Variants in CSMD2 observed in about 807,000 individuals in gnomAD.
The protein encoded by CSMD2 is CUB and sushi domain-containing protein 2.
CSMD2 carries 130 observed loss-of-function variants against 398.5 expected under a neutral mutation model. The observed-to-expected ratio is 0.33, with a 90% CI of 0.28 to 0.38. The LOEUF is 0.38. Ranked by LOEUF, CSMD2 falls within the 10% of genes least tolerant of loss-of-function variation. The pLI is 1.00. For synonymous variants in CSMD2, 1,828 were observed against 1,908.5 expected (o/e 0.96, Z 1.10); for missense variants, 3,829 against 4,764.9 (o/e 0.80, Z 5.78).
intron 15 of CSMD2, among the ~76,000 whole-genome samples, chr1:33,729,997 T>C (rs571840036): frequency 6.6e-6 from 1 of 152,186 alleles, no homozygotes; most frequent in Admixed American, 6.6e-5. Flanking sequence ...ATGACATATA[T>C]GTACAAGGTT....
intron 44 of CSMD2, 41 bp downstream of exon 44, chr1:33,600,824 A>T (rs1305072879): frequency 6.2e-7 from 1 of 1,605,648 alleles, no homozygotes; most frequent in Non-Finnish European, 8.5e-7. Context: ...CCTTGACTTG[A>T]AAGCCTGGCC....
chr1:33,773,654 G>T (rs1232277923), intron 12 of CSMD2, among the ~76,000 whole-genome samples: 1 of 152,214 alleles, frequency 6.6e-6, no homozygotes, highest in Admixed American at 6.5e-5. Context: ...AGGAGGAGGG[G>T]GTGGTGGAGG....
intron 3 of CSMD2, among the ~76,000 whole-genome samples, chr1:33,981,051 A>G (rs908103483): frequency 2.0e-5 from 3 of 152,054 alleles, no homozygotes; most frequent in African/African-American, 7.2e-5. Flanking sequence ...CGTGAGAGAT[A>G]CCCCTGGGGT....
chr1:34,127,903 T>C (rs1012489673), intron 1 of CSMD2, among the ~76,000 whole-genome samples: 1 of 150,990 alleles, frequency 6.6e-6, no homozygotes, highest in African/African-American at 2.4e-5. Flanking sequence ...CTGAGAGGAG[T>C]TGTTGAGAGT....
chr1:33,736,576 G>A (rs573809718), intron 15 of CSMD2, among the ~76,000 whole-genome samples: 4 of 152,286 alleles, frequency 2.6e-5, no homozygotes, highest in South Asian at 2.1e-4. Flanking sequence ...TCAATGCATC[G>A]CAGAGCTAAA....
At chr1:33,644,119 T>C (rs1405508366) in intron 29 of CSMD2, among the ~76,000 whole-genome samples, 1 of 152,140 alleles carries the variant, frequency 6.6e-6, no homozygotes, top group African/African-American at 2.4e-5. Flanking sequence ...CTGGCTCCGA[T>C]GGCAGCTGGG....
intron 10 of CSMD2, among the ~76,000 whole-genome samples, chr1:33,794,187 C>G (rs1338688852): frequency 6.6e-6 from 1 of 152,210 alleles, no homozygotes; most frequent in Non-Finnish European, 1.5e-5. Context: ...TCTCAGGTAT[C>G]CCAGAGGCAA....
chr1:33,688,216 A>G (rs373299114), intron 25 of CSMD2, among the ~76,000 whole-genome samples: 58 of 152,334 alleles, frequency 3.8e-4, no homozygotes, highest in African/African-American at 1.4e-3. Flanking sequence ...CATACAATAG[A>G]ATTCTCTGTA....
chr1:34,028,811 G>A (rs752889466), intron 3 of CSMD2, among the ~76,000 whole-genome samples: 7 of 152,120 alleles, frequency 4.6e-5, no homozygotes, highest in East Asian at 1.9e-4. Context: ...CAGCTGCTGC[G>A]GCCCACGCTC....
At chr1:33,724,980 C>T (rs1029703043) in intron 17 of CSMD2, among the ~76,000 whole-genome samples, 8 of 152,122 alleles carry the variant, frequency 5.3e-5, no homozygotes, top group African/African-American at 1.7e-4. Context: ...TCCTTTAAAT[C>T]GAGGGGATGA....
At chr1:33,649,106 G>A (rs1643619281) in intron 28 of CSMD2, among the ~76,000 whole-genome samples, 1 of 152,076 alleles carries the variant, frequency 6.6e-6, no homozygotes, top group Non-Finnish European at 1.5e-5. Flanking sequence ...CTGTGCTCTG[G>A]TGCAGCAATT....
chr1:34,096,269 T>A (rs1261421146), intron 1 of CSMD2, among the ~76,000 whole-genome samples: 1 of 151,802 alleles, frequency 6.6e-6, no homozygotes, highest in Non-Finnish European at 1.5e-5. Context: ...TTCAAAATAA[T>A]AAGAGCTATC....
rs2148503500 is a variant in CSMD2 at position 33,514,793 on chromosome 1, G to A, written c.*1831C>T. ...CCCAGGGGGGTGCCGTGTCCCAGAG[G>A]TGGTGTGGCCAGGGGTAGGCTCCTG... On this transcript the variant is annotated 3_prime_UTR_variant, in exon 71 of 71. Coordinates refer to ENST00000373381, the MANE Select transcript of CSMD2 (RefSeq NM_001281956.2). 6.6e-6 allele frequency: 1 copy of A among 152,366 alleles called. No homozygotes were observed. Among genetic ancestry groups the A allele is most frequent in the East Asian group, 1.9e-4 (1 of 5,176 alleles). The allele number at this position is 152,366 out of a possible 1,614,324, so 9.4% of individuals were successfully genotyped here.
chr1:33,519,697 T>TG lies in CSMD2; in HGVS notation c.10737-21dup. 6.2e-7 allele frequency: 1 copy of TG among 1,613,782 alleles called. No individual in the cohort carries two copies. Among genetic ancestry groups the TG allele is most frequent in the Non-Finnish European group, 8.5e-7 (1 of 1,179,940 alleles). On this transcript the variant is annotated intron_variant, in intron 69 of 70. Coordinates refer to ENST00000373381, the MANE Select transcript of CSMD2 (RefSeq NM_001281956.2). The surrounding 1 kb of genome is among the most constrained non-coding windows in gnomAD (Gnocchi z 5.6). ...CTTCTCCTGGCGATAAAAGAGGAAG[T>TG]GCCCACGGCATGAAAAGAGCGACAC...
At chr1:33,959,579 A>G (rs1645282013) in intron 3 of CSMD2, among the ~76,000 whole-genome samples, 2 of 152,114 alleles carry the variant, frequency 1.3e-5, no homozygotes, top group African/African-American at 4.8e-5. Flanking sequence ...CCTCTGTCAA[A>G]GCAAAGCAGC....
intron 13 of CSMD2, among the ~76,000 whole-genome samples, chr1:33,766,210 T>C (rs1650473502): frequency 6.6e-6 from 1 of 152,184 alleles, no homozygotes; most frequent in Admixed American, 6.5e-5. Context: ...TGTTTATGTG[T>C]GCGTCAATGT....
In CSMD2 at chr1:33,548,950, C is replaced by T. The variant is rs77019718; in HGVS notation, c.8917+1227G>A. Among the ~76,000 whole-genome samples, 155 of 152,238 alleles carry T rather than the reference C, an allele frequency of 1.0e-3. 1 individual carries two copies. The highest frequency in any genetic ancestry group is 3.5e-3 in the African/African-American group (146 of 41,512). ...ATCATGGCTCCTATATAGTCCTGCC[C>T]GGTTCCTTAATTAGGTGTTTAATGA... On this transcript the variant is annotated intron_variant, in intron 56 of 70. Transcript: ENST00000373381.
At position 33,725,453 on chromosome 1, in the gene CSMD2, C is replaced by T. The variant is rs1261489927; in HGVS notation, c.2591G>A (p.Gly864Glu). ...GATGAGGAACTGGGGAACCTGGGTC[C>T]CGTGGTAAACCCCGATCAAGGGCGC... is the stretch of plus-strand genomic sequence containing the variant. ...YSAPLIGVYH[G>E]TQVPQFLIST... is the part of the protein sequence containing the mutation. The change falls in exon 17 of 71, where the codon GGG becomes GAG. Residue 864 changes from glycine (G) to glutamate (E), a missense_variant. Gly to Glu is a moderately conservative substitution (Grantham distance 98, BLOSUM62 -2). This residue lies in a region of CSMD2 where 2,001 missense variants were observed against 2,567.1 expected (regional missense o/e 0.78). Transcript: ENST00000373381. 1 of 1,614,170 alleles carries T rather than the reference C, an allele frequency of 6.2e-7. No homozygotes were observed. The highest frequency in any genetic ancestry group is 8.5e-7 in the Non-Finnish European group (1 of 1,180,012).
intron 5 of CSMD2, among the ~76,000 whole-genome samples, chr1:33,895,584 C>T (rs768662450): frequency 6.6e-6 from 1 of 152,060 alleles, no homozygotes; most frequent in African/African-American, 2.4e-5. Flanking sequence ...GCTGGGGAAG[C>T]GCGGCTTGAG....
Sources: allele counts gnomAD v4.1 joint callset (sites outside exome capture counted in the v4.1 genomes callset), GRCh38; gene constraint gnomAD v4.1.1; regional missense constraint gnomAD v4.1.1; non-coding constraint Gnocchi (gnomAD v3.1); transcripts MANE v1.5; gene names NCBI Gene and HGNC (gene_info 2026-07-23, HGNC 2026-07-21).